The following CNTNAP5 variants were observed in gnomAD, a reference collection of about 807,000 sequenced individuals.
CNTNAP5 encodes the protein contactin-associated protein-like 5.
In CNTNAP5, 72 loss-of-function variants were observed where a neutral mutation model predicts 150.2. The observed-to-expected ratio is 0.48, with a 90% CI of 0.40 to 0.58. The LOEUF is 0.58. Among genes scored for constraint, CNTNAP5 ranks in the 20% least tolerant of loss-of-function variants. The pLI is 0.00. For missense variants in CNTNAP5, 1,636 were observed against 1,626.2 expected, an observed-to-expected ratio of 1.01 and a Z score of -0.10; for synonymous variants, 672 against 619.8, an observed-to-expected ratio of 1.08 and a Z score of -1.25.
chr2:124,106,721 T>C (rs1326904879), intron 1 of CNTNAP5, among the ~76,000 whole-genome samples: 1 of 152,144 alleles, frequency 6.6e-6, no homozygotes, highest in Non-Finnish European at 1.5e-5. Context: ...TCTGGCAAAT[T>C]ATAGAAACTG....
At chr2:124,402,895 C>A (rs1241952349) in intron 3 of CNTNAP5, among the ~76,000 whole-genome samples, 1 of 152,194 alleles carries the variant, frequency 6.6e-6, no homozygotes, top group African/African-American at 2.4e-5. Flanking sequence ...AAACCTATTT[C>A]TCTCATTTTC....
At chr2:124,165,299 C>T (rs776435783) in intron 1 of CNTNAP5, among the ~76,000 whole-genome samples, 8 of 152,114 alleles carry the variant, frequency 5.3e-5, no homozygotes, top group Non-Finnish European at 1.0e-4. Context: ...TTCTCCTCTT[C>T]TGCAGAATTT....
chr2:124,407,675 A>G (rs1379983587), intron 3 of CNTNAP5, among the ~76,000 whole-genome samples: 1 of 152,204 alleles, frequency 6.6e-6, no homozygotes, highest in Non-Finnish European at 1.5e-5. Flanking sequence ...TTTAATAAAT[A>G]ATTCTTTTTA....
chr2:124,668,185 C>T (rs768318), intron 13 of CNTNAP5, among the ~76,000 whole-genome samples: 37,001 of 152,092 alleles, frequency 0.24, 5,229 homozygotes, highest in Non-Finnish European at 0.32. Flanking sequence ...GAGGGCCTTA[C>T]ATCCATCTGT....
intron 18 of CNTNAP5, among the ~76,000 whole-genome samples, chr2:124,796,701 T>A (rs889988209): frequency 5.3e-5 from 8 of 152,360 alleles, no homozygotes; most frequent in African/African-American, 1.9e-4. Context: ...GGTATTATTA[T>A]ATTGTAGGTG....
chr2:124,787,528 C>A (rs548652246), intron 17 of CNTNAP5, among the ~76,000 whole-genome samples: 1 of 151,966 alleles, frequency 6.6e-6, no homozygotes, highest in African/African-American at 2.4e-5. Flanking sequence ...CGAGATCTAT[C>A]CCTTAGGATA....
At chr2:124,362,803 G>T (rs1011752077) in intron 3 of CNTNAP5, among the ~76,000 whole-genome samples, 1 of 152,106 alleles carries the variant, frequency 6.6e-6, no homozygotes, top group East Asian at 1.9e-4. Context: ...GCTTAACAAT[G>T]GATTTTACGC....
intron 3 of CNTNAP5, among the ~76,000 whole-genome samples, chr2:124,373,497 G>A (rs1047428809): frequency 1.6e-4 from 24 of 151,970 alleles, no homozygotes; most frequent in African/African-American, 5.3e-4. Context: ...GCCACGAGGA[G>A]TTCACTGATA....
At chr2:124,527,576 G>C (rs1695003978) in intron 10 of CNTNAP5, 120 bp downstream of exon 10, 2 of 705,042 alleles carry the variant, frequency 2.8e-6, no homozygotes, top group South Asian at 3.3e-5. Context: ...ACATAATTGA[G>C]TTGCCTAATG....
At chr2:124,045,442 T>G (rs1681506156) in intron 1 of CNTNAP5, among the ~76,000 whole-genome samples, 1 of 151,858 alleles carries the variant, frequency 6.6e-6, no homozygotes, top group Non-Finnish European at 1.5e-5. Context: ...GGATTACAGG[T>G]GCCCACCACC....
At chr2:124,541,179 A>ATTTTT (rs3980963) in intron 10 of CNTNAP5, among the ~76,000 whole-genome samples, 13,352 of 82,906 alleles carry the variant, frequency 0.16, 1,786 homozygotes, top group African/African-American at 0.23. Flanking sequence ...CAAAATTCCG[A>ATTTTT]TTTTTTTTTT....
At chr2:124,110,944 A>T (rs1683281848) in intron 1 of CNTNAP5, among the ~76,000 whole-genome samples, 1 of 152,194 alleles carries the variant, frequency 6.6e-6, no homozygotes, top group African/African-American at 2.4e-5. Context: ...CAAGTTCATT[A>T]TCGATTCACA....
chr2:124,148,445 T>G (rs887894540), intron 1 of CNTNAP5, among the ~76,000 whole-genome samples: 4 of 149,070 alleles, frequency 2.7e-5, no homozygotes, highest in Non-Finnish European at 5.9e-5. Flanking sequence ...TGCCGTATCG[T>G]CATGTTTCTA....
At chr2:124,509,171 A>G (rs917296889) in intron 8 of CNTNAP5, among the ~76,000 whole-genome samples, 2 of 152,218 alleles carry the variant, frequency 1.3e-5, no homozygotes. Context: ...AGCTTTGTAC[A>G]GTGTGCTTGG....
chr2:124,647,340 T>C (rs1475217676), intron 12 of CNTNAP5, among the ~76,000 whole-genome samples: 2 of 152,216 alleles, frequency 1.3e-5, no homozygotes, highest in Non-Finnish European at 2.9e-5. Context: ...TGTGAGGAAG[T>C]GTGTCAGTAG....
intron 16 of CNTNAP5, among the ~76,000 whole-genome samples, chr2:124,771,470 C>A (rs976292899): frequency 6.6e-6 from 1 of 152,166 alleles, no homozygotes; most frequent in Non-Finnish European, 1.5e-5. Flanking sequence ...AAGACACTTG[C>A]AGCAAATTAT....
chr2:124,164,554 G>A (rs1684766582), intron 1 of CNTNAP5, among the ~76,000 whole-genome samples: 1 of 152,146 alleles, frequency 6.6e-6, no homozygotes, highest in African/African-American at 2.4e-5. Context: ...AGGTGAAAAA[G>A]TAAGGTTTTG....
At chr2:124,610,035 T>G in intron 12 of CNTNAP5, 115 bp downstream of exon 12, 2 of 1,217,094 alleles carry the variant, frequency 1.6e-6, no homozygotes, top group Non-Finnish European at 2.2e-6. Flanking sequence ...GACCAACTGG[T>G]CTCCTTTGGG....
intron 16 of CNTNAP5, among the ~76,000 whole-genome samples, chr2:124,767,534 T>C (rs1253802404): frequency 1.3e-5 from 2 of 152,156 alleles, no homozygotes; most frequent in African/African-American, 4.8e-5. Context: ...GGAAAGAAGC[T>C]AGACTAGAAC....
Sources: allele counts gnomAD v4.1 joint callset (sites outside exome capture counted in the v4.1 genomes callset), GRCh38; gene constraint gnomAD v4.1.1; transcripts MANE v1.5; gene names NCBI Gene and HGNC (gene_info 2026-07-23, HGNC 2026-07-21).